The following SVOP variants were observed in gnomAD, a reference collection of about 807,000 sequenced individuals.
SVOP encodes the protein SV2 related protein.
A neutral mutation model predicts 69.1 loss-of-function variants in SVOP; 17 were observed. The observed-to-expected ratio is 0.25, with a 90% CI of 0.17 to 0.37. The LOEUF (loss-of-function observed/expected upper bound fraction) is 0.37, where lower values mean the gene tolerates loss of function less well. Ranked by LOEUF, SVOP falls within the 10% of genes least tolerant of loss-of-function variation. SVOP has a pLI of 1.00. For missense variants in SVOP, 435 were observed against 597.5 expected (o/e 0.73, Z 2.84); for synonymous variants, 238 against 238.6 (o/e 1.00, Z 0.02).
Position 109,003,936 on chromosome 12 carries a change from C to T in SVOP, c.35+16898G>A, listed in dbSNP as rs144087678. ...CTGCAGTTTTAAACCTGGACCTGCT[C>T]ACATTTCTTCTCTGGCAAACCACAA... On this transcript the variant is annotated intron_variant, in intron 1 of 15. Coordinates refer to ENST00000610966, the MANE Select transcript of SVOP (RefSeq NM_018711.5). Among the ~76,000 whole-genome samples the T allele has an allele frequency of 4.7e-3, 719 of 152,280 alleles. 9 individuals carry two copies. The highest frequency in any genetic ancestry group is 4.2e-3 in the Non-Finnish European group (285 of 68,032).
chr12:108,984,894 C>G (rs2040159002), intron 1 of SVOP, among the ~76,000 whole-genome samples: 1 of 152,104 alleles, frequency 6.6e-6, no homozygotes, highest in Non-Finnish European at 1.5e-5. Context: ...TGTGCAAGTC[C>G]TTTCTATCAC....
At chr12:108,966,157 T>C (rs1047367063) in intron 5 of SVOP, among the ~76,000 whole-genome samples, 1 of 152,174 alleles carries the variant, frequency 6.6e-6, no homozygotes. Flanking sequence ...CATGCCATCA[T>C]GCCTGGCTAC....
rs1300561605 is a variant in SVOP, at chr12:108,972,062, C to A, written c.453+343G>T. On this transcript the variant is annotated intron_variant, in intron 5 of 15. Coordinates refer to ENST00000610966, the MANE Select transcript of SVOP (RefSeq NM_018711.5). ...CTCAAACAAAAAGAAAAACAAAAAA[C>A]CCAAAATTTGAGAAATGGCTCTCTT... is the stretch of plus-strand genomic sequence containing the variant. Among the ~76,000 whole-genome samples the A allele has an allele frequency of 2.0e-5, 3 of 150,776 alleles. No individual in the cohort carries two copies. In the Admixed American group the frequency reaches 2.0e-4, roughly 10 times the overall value.
rs1303648540 is a variant in SVOP, at chr12:108,908,040, C to T, written c.*4495G>A. On this transcript the variant is annotated 3_prime_UTR_variant, in exon 16 of 16. Coordinates refer to ENST00000610966, the MANE Select transcript of SVOP (RefSeq NM_018711.5). ...GACCAAGACTCAATCCAACACTAAA[C>T]TGGGCCAATCAGCTTCATTCCTGAA... 1 of 140,412 alleles carries T rather than the reference C, an allele frequency of 7.1e-6. No individual in the cohort carries two copies. Among genetic ancestry groups the T allele is most frequent in the African/African-American group, 2.9e-5 (1 of 34,432 alleles). 8.7% of individuals were successfully genotyped at this position (140,412 alleles called of 1,614,324 possible). A position where few individuals can be genotyped will look rare whatever the true frequency, so the allele number is the denominator to read the frequency against.
intron 1 of SVOP, among the ~76,000 whole-genome samples, chr12:109,004,712 CATTTCA>C: frequency 1.7e-5 from 1 of 60,222 alleles, no homozygotes; most frequent in Non-Finnish European, 2.7e-5. Context: ...TATTTCATTT[CATTTCA>C]TTTCATTTCA....
intron 6 of SVOP, among the ~76,000 whole-genome samples, chr12:108,956,301 C>CAA (rs36126786): frequency 0.013 from 1,860 of 137,954 alleles, 25 homozygotes; most frequent in African/African-American, 0.031. Flanking sequence ...GATTCCGTCT[C>CAA]AAAAAAAAAA....
intron 1 of SVOP, among the ~76,000 whole-genome samples, chr12:108,993,925 T>C (rs2040217264): frequency 6.6e-6 from 1 of 152,178 alleles, no homozygotes; most frequent in Non-Finnish European, 1.5e-5. Flanking sequence ...GGTCAATGGA[T>C]CAGTACCCTT....
At chr12:108,947,754 A>G (rs914805836) in intron 6 of SVOP, among the ~76,000 whole-genome samples, 1 of 152,054 alleles carries the variant, frequency 6.6e-6, no homozygotes. Flanking sequence ...TAGAAAGAGG[A>G]GGCCTTCTTT....
chr12:108,939,283 T>C (rs989177860), intron 8 of SVOP, among the ~76,000 whole-genome samples: 2 of 152,180 alleles, frequency 1.3e-5, no homozygotes, highest in African/African-American at 4.8e-5. Flanking sequence ...GTTATTATTA[T>C]TGTCACGGTT....
At chr12:108,916,868 C>A (rs934650747) in intron 14 of SVOP, among the ~76,000 whole-genome samples, 6 of 152,142 alleles carry the variant, frequency 3.9e-5, no homozygotes, top group Non-Finnish European at 7.4e-5. Context: ...CTCAGCCCCA[C>A]CCCGAGTAGC....
intron 1 of SVOP, among the ~76,000 whole-genome samples, chr12:109,009,096 G>A (rs928108452): frequency 6.6e-6 from 1 of 151,220 alleles, no homozygotes; most frequent in African/African-American, 2.4e-5. Flanking sequence ...CAAGTAGCTG[G>A]GATTACAGGC....
At chr12:108,971,951 G>A (rs1190382135) in intron 5 of SVOP, among the ~76,000 whole-genome samples, 3 of 151,950 alleles carry the variant, frequency 2.0e-5, no homozygotes, top group Non-Finnish European at 4.4e-5. Context: ...CTGCTTGGAG[G>A]GCTAAGGTGG....
chr12:108,983,133 TCAC>T (rs1319237712), intron 2 of SVOP, among the ~76,000 whole-genome samples: 1 of 151,298 alleles, frequency 6.6e-6, no homozygotes, highest in Non-Finnish European at 1.5e-5. Context: ...ATCATCACTA[TCAC>T]CACCATCATC....
At chr12:108,922,373 T>C (rs1450587560) in intron 12 of SVOP, among the ~76,000 whole-genome samples, 3 of 152,210 alleles carry the variant, frequency 2.0e-5, no homozygotes, top group Non-Finnish European at 4.4e-5. Context: ...CCCATGGGAC[T>C]TGGGGGCAAG....
chr12:108,957,916 G>A (rs1432692694), intron 6 of SVOP, among the ~76,000 whole-genome samples: 1 of 152,258 alleles, frequency 6.6e-6, no homozygotes, highest in Non-Finnish European at 1.5e-5. Flanking sequence ...ATCCATTGCA[G>A]CCGTGAGACT....
At chr12:108,988,453 G>A (rs1429121673) in intron 1 of SVOP, among the ~76,000 whole-genome samples, 3 of 152,120 alleles carry the variant, frequency 2.0e-5, no homozygotes, top group African/African-American at 7.2e-5. Context: ...GACATCCAAT[G>A]TTCCTAATAC....
At chr12:108,938,166 T>C (rs1026026579) in intron 9 of SVOP, among the ~76,000 whole-genome samples, 2 of 152,246 alleles carry the variant, frequency 1.3e-5, no homozygotes, top group Non-Finnish European at 2.9e-5. Flanking sequence ...ATCAGAAATA[T>C]AACTTTATTT....
In SVOP at chr12:108,946,491, C is replaced by T. The variant is rs190354547; in HGVS notation, c.579-1325G>A. 1.6e-4 allele frequency among the ~76,000 whole-genome samples: 24 copies of T among 151,996 alleles called. No homozygotes were observed. In the East Asian group the frequency reaches 3.3e-3, roughly 21 times the overall value. The stretch of plus-strand genomic sequence containing the variant: ...AAGAGATTTTCCTTCTTCCCCTCAT[C>T]GTATCTGTCTATCCATTTAATCAGT... On this transcript the variant is annotated intron_variant, in intron 6 of 15. Coordinates refer to ENST00000610966, the MANE Select transcript of SVOP (RefSeq NM_018711.5).
chr12:108,912,770 A>G, intron 15 of SVOP, 29 bp from the exon 16 acceptor site: 2 of 1,604,100 alleles, frequency 1.2e-6, no homozygotes, highest in Non-Finnish European at 1.7e-6. Context: ...GGTCGGTGAA[A>G]GCATCCCTTC....
Sources: allele counts gnomAD v4.1 joint callset (sites outside exome capture counted in the v4.1 genomes callset), GRCh38; gene constraint gnomAD v4.1.1; transcripts MANE v1.5; gene names NCBI Gene and HGNC (gene_info 2026-07-23, HGNC 2026-07-21).